Variants in RNF145 observed in about 807,000 individuals in gnomAD.
RNF145 encodes ring finger protein 145.
In RNF145, 12 loss-of-function variants were observed where a neutral mutation model predicts 57.3. The observed-to-expected ratio is 0.21, with a 90% CI of 0.13 to 0.34. The LOEUF is 0.34. Among genes scored for constraint, RNF145 ranks in the 10% least tolerant of loss-of-function variants. The pLI is 1.00. For synonymous variants in RNF145, 262 were observed against 288.3 expected (o/e 0.91, Z 0.92); for missense variants, 429 against 799.0 (o/e 0.54, Z 5.58).
At chr5:159,163,238 C>G (rs1784287167) in intron 8 of RNF145, among the ~76,000 whole-genome samples, 159 bp from the exon 9 acceptor site, 1 of 152,210 alleles carries the variant, frequency 6.6e-6, no homozygotes, top group African/African-American at 2.4e-5. Flanking sequence ...CAGACCAAGT[C>G]ACACAGGCTT....
Position 159,203,442 on chromosome 5 carries a change from T to C in RNF145, c.176A>G (p.His59Arg). The C allele has an allele frequency of 6.2e-7, 1 of 1,600,186 alleles. No homozygotes were observed. The highest frequency in any genetic ancestry group is 8.6e-7 in the Non-Finnish European group (1 of 1,167,298). ...GTGATGTAGACACTCACCTACATAA[T>C]GCATATTAAGAGCCAAATACTTATA... ...FQYKYLALNMHYVGYILSVVL... is the reference protein window; with the variant it reads ...FQYKYLALNMRYVGYILSVVL... Residue 59 changes from histidine to arginine, a missense_variant, in exon 2 of 11, where the codon CAT becomes CGT. By Grantham distance (29) the His-to-Arg change is conservative (BLOSUM62 0). Coordinates refer to ENST00000424310, the MANE Select transcript of RNF145 (RefSeq NM_001199383.2).
At chr5:159,176,945 A>G (rs1477378345) in intron 4 of RNF145, 78 bp from the exon 5 acceptor site, 2 of 762,738 alleles carry the variant, frequency 2.6e-6, no homozygotes, top group East Asian at 2.7e-5. Flanking sequence ...AACACTGTTG[A>G]TAAGGATAAT....
At position 159,158,847 on chromosome 5, in the gene RNF145, A is replaced by C; in HGVS notation, c.1815T>G (p.Phe605Leu). ...GGCCTGGGGGTTCAGTACCTTCCTG[A>C]AACATGACGTTTTGCTCAGCTCCAG... ...PHAGAEQNVM[F>L]QEGTEPPGQE... The change falls in exon 11 of 11, where the codon TTT (phenylalanine) becomes TTG (leucine). Residue 605 changes from phenylalanine to leucine, a missense_variant. Coordinates refer to ENST00000424310, the MANE Select transcript of RNF145 (RefSeq NM_001199383.2). 6.2e-7 allele frequency: 1 copy of C among 1,613,876 alleles called. No individual in the cohort carries two copies.
rs759174817 is a variant in RNF145, at chr5:159,158,647, G to T, written c.*23C>A. ...TTAACTTCTCCTCCAGAGTATCAAA[G>T]CATCATTCCTGCTGCTTCTCCTCTA... On this transcript the variant is annotated 3_prime_UTR_variant, in exon 11 of 11. Transcript: ENST00000424310. The T allele has an allele frequency of 6.2e-7, 1 of 1,603,420 alleles. No individual in the cohort carries two copies. The highest frequency in any genetic ancestry group is 8.5e-7 in the Non-Finnish European group (1 of 1,173,174).
rs1203218067 is a variant in RNF145 at position 159,158,874 on chromosome 5, A to G, written c.1788T>C (p.His596=). The G allele has an allele frequency of 1.2e-6, 2 of 1,613,956 alleles. No homozygotes were observed. Among genetic ancestry groups the G allele is most frequent in the South Asian group, 2.2e-5 (2 of 91,078 alleles). Reference sequence around the variant, plus strand: ...ACATGACGTTTTGCTCAGCTCCAGCATGAGGCTGTAGAACTGGCTCAGTTC... The same window carrying G: ...ACATGACGTTTTGCTCAGCTCCAGCGTGAGGCTGTAGAACTGGCTCAGTTC... ...GLGTEPVLQP[H]AGAEQNVMFQ... Residue 596 remains histidine, a synonymous_variant, in exon 11 of 11, where the codon CAT becomes CAC. Coordinates refer to ENST00000424310, the MANE Select transcript of RNF145 (RefSeq NM_001199383.2).
chr5:159,206,164 T>G (rs1223889899), intron 1 of RNF145, among the ~76,000 whole-genome samples: 9 of 152,102 alleles, frequency 5.9e-5, no homozygotes, highest in Non-Finnish European at 1.2e-4. Context: ...AAAAACAATA[T>G]CCAAGATCCC....
At chr5:159,201,516 G>A (rs933052706) in intron 2 of RNF145, among the ~76,000 whole-genome samples, 5 of 152,106 alleles carry the variant, frequency 3.3e-5, no homozygotes, top group African/African-American at 9.7e-5. Flanking sequence ...AAATGCAATC[G>A]GGAAGAGGAG....
At chr5:159,176,243 T>C (rs1341177311) in intron 5 of RNF145, among the ~76,000 whole-genome samples, 1 of 152,150 alleles carries the variant, frequency 6.6e-6, no homozygotes, top group African/African-American at 2.4e-5. Context: ...TTCATTACAA[T>C]AGCTAACACA....
At chr5:159,164,783 T>G (rs1213364789) in intron 8 of RNF145, among the ~76,000 whole-genome samples, 1 of 152,224 alleles carries the variant, frequency 6.6e-6, no homozygotes, top group Non-Finnish European at 1.5e-5. Flanking sequence ...TAATATTCCT[T>G]GTTAAAAACT....
intron 3 of RNF145, among the ~76,000 whole-genome samples, chr5:159,187,574 G>A (rs867802296): frequency 1.1e-4 from 17 of 152,008 alleles, no homozygotes; most frequent in Non-Finnish European, 2.2e-4. Context: ...TGATTCACCC[G>A]CCTCAGCCTC....
chr5:159,205,115 C>T (rs1002937878), intron 1 of RNF145, among the ~76,000 whole-genome samples: 7 of 152,152 alleles, frequency 4.6e-5, no homozygotes, highest in Non-Finnish European at 7.4e-5. Context: ...CAACTTGGCA[C>T]ACTATCAATA....
chr5:159,204,468 G>T (rs1785794622), intron 1 of RNF145, among the ~76,000 whole-genome samples: 1 of 152,016 alleles, frequency 6.6e-6, no homozygotes. Flanking sequence ...ATGCCATACT[G>T]CTTTATATGG....
At chr5:159,190,222 AG>A (rs1233515361) in intron 3 of RNF145, among the ~76,000 whole-genome samples, 1 of 152,084 alleles carries the variant, frequency 6.6e-6, no homozygotes, top group East Asian at 1.9e-4. Flanking sequence ...TTTGTAGAGA[AG>A]GGGTTTCACC....
Position 159,169,663 on chromosome 5 carries a change from C to T in RNF145, c.938+16G>A. The T allele has an allele frequency of 1.3e-6, 2 of 1,562,558 alleles. No individual in the cohort carries two copies. Among genetic ancestry groups the T allele is most frequent in the Non-Finnish European group, 1.7e-6 (2 of 1,160,398 alleles). On this transcript the variant is annotated intron_variant, in intron 7 of 10. Transcript: ENST00000424310. ...TAGTATTTACATTTCTAGATATAAT[C>T]AAGGAAAGAACTTACCGATTCATGG...
chr5:159,208,048 C>A, intron 1 of RNF145: 1 of 1,511,800 alleles, frequency 6.6e-7, no homozygotes, highest in Non-Finnish European at 8.8e-7. Flanking sequence ...CTCTTTACTG[C>A]AGACTGCGAC....
intron 10 of RNF145, among the ~76,000 whole-genome samples, chr5:159,159,800 T>A (rs1784154511): frequency 6.6e-6 from 1 of 152,228 alleles, no homozygotes; most frequent in South Asian, 2.1e-4. Context: ...GAGAGAAGCC[T>A]GAAGACATGA....
upstream of RNF145, chr5:159,209,785 C>T (rs2113269989): frequency 7.0e-7 from 1 of 1,435,386 alleles, no homozygotes; most frequent in South Asian, 1.2e-5. Context: ...GTGACAGGCG[C>T]CATTCTGACA....
intron 4 of RNF145, among the ~76,000 whole-genome samples, chr5:159,179,510 C>A (rs993970337): frequency 6.6e-6 from 1 of 152,048 alleles, no homozygotes; most frequent in Admixed American, 6.6e-5. Context: ...ATTTTAAAAT[C>A]TAAGTTGGAA....
chr5:159,190,935 G>A (rs1294930781), intron 3 of RNF145, among the ~76,000 whole-genome samples: 1 of 151,932 alleles, frequency 6.6e-6, no homozygotes. Flanking sequence ...GCCATATCTT[G>A]AAATTCATTC....
Sources: allele counts gnomAD v4.1 joint callset (sites outside exome capture counted in the v4.1 genomes callset), GRCh38; gene constraint gnomAD v4.1.1; transcripts MANE v1.5; gene names NCBI Gene and HGNC (gene_info 2026-07-23, HGNC 2026-07-21).